Variants in DDX60L observed in about 807,000 individuals in gnomAD.
The protein encoded by DDX60L is DExD/H-box 60 like.
Under a neutral mutation model 211.6 loss-of-function variants are expected in DDX60L, and 191 were observed. That is an observed-to-expected ratio of 0.90 (90% CI 0.80 to 1.02). The LOEUF (loss-of-function observed/expected upper bound fraction) is 1.02. Among genes scored for constraint, DDX60L ranks in the 50% least tolerant of loss-of-function variants. The pLI is 0.00. For missense variants in DDX60L, 2,007 were observed against 1,984.1 expected (o/e 1.01, Z -0.22); for synonymous variants, 706 against 694.1 (o/e 1.02, Z -0.27).
intron 29 of DDX60L, among the ~76,000 whole-genome samples, chr4:168,391,023 G>T (rs1354779016): frequency 6.6e-6 from 1 of 151,808 alleles, no homozygotes. Context: ...CTTGGAATTT[G>T]GAAAACAGGT....
Position 168,456,096 on chromosome 4 carries a change from C to G in DDX60L, c.780G>C (p.Gln260His). 6.3e-7 allele frequency: 1 copy of G among 1,595,784 alleles called. No individual in the cohort carries two copies. Among genetic ancestry groups the G allele is most frequent in the Non-Finnish European group, 8.5e-7 (1 of 1,172,898 alleles). The part of the protein sequence containing the change: ...QHLWSEGSDI[Q>H]RVLCVTSCSL... ...AACATGAAGTGACACAGAGAACACGCTGGATGTCCGATCCTTCTGACCATA... is the reference window on the plus strand; with the variant it reads ...AACATGAAGTGACACAGAGAACACGGTGGATGTCCGATCCTTCTGACCATA... Residue 260 changes from glutamine (Q) to histidine (H), a missense_variant, in exon 7 of 38, where the codon CAG becomes CAC. Transcript: ENST00000682922.
At chr4:168,426,847 T>C (rs1336682506) in intron 14 of DDX60L, among the ~76,000 whole-genome samples, 1 of 152,222 alleles carries the variant, frequency 6.6e-6, no homozygotes, top group African/African-American at 2.4e-5. Flanking sequence ...CATTTCTTTT[T>C]GAATGTGCCA....
At chr4:168,409,535 C>T (rs985650189) in intron 22 of DDX60L, among the ~76,000 whole-genome samples, 1 of 152,140 alleles carries the variant, frequency 6.6e-6, no homozygotes, top group African/African-American at 2.4e-5. Context: ...TATCTATTCC[C>T]TAAGCACAGA....
At chr4:168,472,156 A>C (rs1758871082) in intron 3 of DDX60L, among the ~76,000 whole-genome samples, 1 of 152,230 alleles carries the variant, frequency 6.6e-6, no homozygotes, top group Admixed American at 6.5e-5. Context: ...AGGCAAAGGA[A>C]ATTATCCAAT....
At chr4:168,461,390 AC>A (rs1218517135) in intron 5 of DDX60L, among the ~76,000 whole-genome samples, 5 of 152,230 alleles carry the variant, frequency 3.3e-5, no homozygotes, top group Admixed American at 3.3e-4. Flanking sequence ...TGAGCAAATT[AC>A]TTCAATACTC....
Position 168,406,718 on chromosome 4 carries a change from C to A in DDX60L, c.2980-12G>T, listed in dbSNP as rs753041548. ...CCATACTTTTCAATCTGTGAATAAA[C>A]AAATTAATGGATGGATGAAGAAATA... is the stretch of plus-strand genomic sequence containing the variant. On this transcript the variant is annotated splice_polypyrimidine_tract_variant and intron_variant, in intron 22 of 37. Transcript: ENST00000682922. 1 of 1,491,248 alleles carries A rather than the reference C, an allele frequency of 6.7e-7. No individual in the cohort carries two copies. Among genetic ancestry groups the A allele is most frequent in the Admixed American group, 2.0e-5 (1 of 50,642 alleles). The allele number at this position is 1,491,248 out of a possible 1,614,324, so 92.4% of individuals were successfully genotyped here.
intron 36 of DDX60L, among the ~76,000 whole-genome samples, chr4:168,364,565 G>C (rs1229588231): frequency 2.0e-5 from 3 of 152,058 alleles, no homozygotes; most frequent in African/African-American, 7.2e-5. Flanking sequence ...CCTTTTTTTA[G>C]AGACAGGGTC....
rs4692659 is a variant in DDX60L, at chr4:168,412,376, C to T, written c.2979+3032G>A. 6.4e-3 allele frequency among the ~76,000 whole-genome samples: 981 copies of T among 152,126 alleles called. 10 individuals are homozygous for T. The highest frequency in any genetic ancestry group is 0.01 in the Non-Finnish European group (699 of 67,984). ...AAGCCTGTTGGCCTGAAGGGAGAGA[C>T]CCAGGCCTTGTAGCATTCACCATAA... On this transcript the variant is annotated intron_variant, in intron 22 of 37. Transcript: ENST00000682922.
chr4:168,426,568 A>T (rs1157767771), intron 14 of DDX60L, among the ~76,000 whole-genome samples: 1 of 152,208 alleles, frequency 6.6e-6, no homozygotes, highest in African/African-American at 2.4e-5. Flanking sequence ...GAGGAACACA[A>T]TTTCTTCCTT....
At chr4:168,472,238 T>A (rs1333753357) in intron 3 of DDX60L, among the ~76,000 whole-genome samples, 10 of 152,208 alleles carry the variant, frequency 6.6e-5, no homozygotes, top group Non-Finnish European at 2.9e-5. Context: ...TAAGGACATA[T>A]ATAACTCCCA....
At chr4:168,437,421 TC>T (rs1188761508) in intron 10 of DDX60L, among the ~76,000 whole-genome samples, 1 of 152,046 alleles carries the variant, frequency 6.6e-6, no homozygotes, top group Non-Finnish European at 1.5e-5. Context: ...GCCAGCAGCC[TC>T]CAGAAGCTGA....
intron 36 of DDX60L, among the ~76,000 whole-genome samples, chr4:168,365,187 C>T (rs780636302): frequency 1.4e-4 from 21 of 151,426 alleles, no homozygotes; most frequent in East Asian, 7.7e-4. Context: ...AAGAAGCAGA[C>T]GTAAACAAAA....
At chr4:168,451,955 C>T (rs1755864478) in intron 8 of DDX60L, among the ~76,000 whole-genome samples, 1 of 152,218 alleles carries the variant, frequency 6.6e-6, no homozygotes, top group Admixed American at 6.5e-5. Context: ...TCAGAGAGGT[C>T]AACCTTTCCA....
At chr4:168,475,979 A>C (rs1048586165) in intron 1 of DDX60L, 1 of 148,806 alleles carries the variant, frequency 6.7e-6, no homozygotes, top group Non-Finnish European at 1.5e-5. Context: ...TGTACAAGCC[A>C]GGAAGAGAGC....
At chr4:168,447,056 C>T (rs1290069036) in intron 9 of DDX60L, among the ~76,000 whole-genome samples, 25 of 119,340 alleles carry the variant, frequency 2.1e-4, no homozygotes, top group African/African-American at 7.5e-4. Context: ...TAAAGAGCTT[C>T]TGCACAGCAA....
chr4:168,473,556 A>C (rs1338319705), intron 1 of DDX60L, among the ~76,000 whole-genome samples: 1 of 152,210 alleles, frequency 6.6e-6, no homozygotes, highest in Non-Finnish European at 1.5e-5. Context: ...ATGACTCCTC[A>C]GATCCTAGCA....
chr4:168,453,061 T>A, intron 8 of DDX60L, 63 bp downstream of exon 8: 1 of 1,478,900 alleles, frequency 6.8e-7, no homozygotes, highest in Non-Finnish European at 9.1e-7. Flanking sequence ...TAACTCTAGT[T>A]TTAAAGGTGA....
chr4:168,379,626 AT>A, intron 31 of DDX60L, 99 bp downstream of exon 31: 1 of 1,193,252 alleles, frequency 8.4e-7, no homozygotes, highest in Non-Finnish European at 1.2e-6. Flanking sequence ...AAGTAACATT[AT>A]CATTGAATGC....
chr4:168,407,422 A>G (rs1747938444), intron 22 of DDX60L, among the ~76,000 whole-genome samples: 1 of 152,228 alleles, frequency 6.6e-6, no homozygotes, highest in African/African-American at 2.4e-5. Context: ...TTTGTGTTCT[A>G]TACTCTTTTG....
Sources: allele counts gnomAD v4.1 joint callset (sites outside exome capture counted in the v4.1 genomes callset), GRCh38; gene constraint gnomAD v4.1.1; transcripts MANE v1.5; gene names NCBI Gene and HGNC (gene_info 2026-07-23, HGNC 2026-07-21).